Variants in PHACTR2 observed in about 807,000 individuals in gnomAD.
The protein encoded by PHACTR2 is phosphatase and actin regulator 2.
PHACTR2 carries 30 observed loss-of-function variants against 76.0 expected under a neutral mutation model. The observed-to-expected ratio is 0.39, with a 90% CI of 0.30 to 0.54. PHACTR2 has a LOEUF of 0.54. Among genes scored for constraint, PHACTR2 ranks in the 20% least tolerant of loss-of-function variants. PHACTR2 has a pLI of 0.61. For missense variants in PHACTR2, 696 were observed against 781.1 expected (o/e 0.89, Z 1.30); for synonymous variants, 292 against 292.5 (o/e 1.00, Z 0.02).
In PHACTR2 at chr6:143,652,762, C is replaced by T. The variant is rs890476934; in HGVS notation, c.13+44440C>T. Among the ~76,000 whole-genome samples the T allele has an allele frequency of 3.9e-5, 6 of 152,168 alleles. No individual in the cohort carries two copies. Among genetic ancestry groups the T allele is most frequent in the Admixed American group, 3.9e-4 (6 of 15,284 alleles). ...GGCTGAAATAAGGCGGAATGCCCACCTGGAGATAAGTCTTGGCTGTCACAC... is the reference window on the plus strand; with the variant it reads ...GGCTGAAATAAGGCGGAATGCCCACTTGGAGATAAGTCTTGGCTGTCACAC... On this transcript the variant is annotated intron_variant, in intron 1 of 11. Transcript: ENST00000305766. The surrounding 1 kb of genome is among the most constrained non-coding windows in gnomAD (Gnocchi z 4.5).
At chr6:143,726,792 G>A (rs1005028376) in intron 2 of PHACTR2, among the ~76,000 whole-genome samples, 65 of 152,028 alleles carry the variant, frequency 4.3e-4, no homozygotes, top group Middle Eastern at 3.2e-3. Flanking sequence ...TTTCCCTAAT[G>A]GGCTAATGAT....
In PHACTR2 at chr6:143,765,612, C is replaced by T. The variant is rs750218618; in HGVS notation, c.1046C>T (p.Pro349Leu). The change falls in exon 6 of 13, where the codon CCC becomes CTC. Residue 349 changes from proline (P) to leucine (L), a missense_variant. By Grantham distance (98) the Pro-to-Leu change is moderately conservative (BLOSUM62 -3). This residue lies in a region of PHACTR2 where 460 missense variants were observed against 450.9 expected (regional missense o/e 1.02). Coordinates refer to ENST00000440869, the MANE Select transcript of PHACTR2 (RefSeq NM_001100164.2). This position sits in a 1 kb window ranked among gnomAD's most constrained non-coding sequence, Gnocchi z 4.1. ...PVAPAPSPLA[P>L]PLPLEDQCIT... Reference sequence around the variant, plus strand: ...GCTCCAGCACCTTCTCCTCTGGCCCCCCCTCTCCCTCTTGAGGATCAGTGC... The same window carrying T: ...GCTCCAGCACCTTCTCCTCTGGCCCTCCCTCTCCCTCTTGAGGATCAGTGC... 5 of 1,614,160 alleles carry T rather than the reference C, an allele frequency of 3.1e-6. No homozygotes were observed. In the East Asian group the frequency reaches 8.9e-5, roughly 29 times the overall value.
At chr6:143,771,188 A>G (rs372104953) in intron 6 of PHACTR2, among the ~76,000 whole-genome samples, 732 of 16,224 alleles carry the variant, frequency 0.045, 20 homozygotes, top group East Asian at 0.31. Context: ...ATATATATAT[A>G]TGTGTGTATA....
chr6:143,693,884 T>C (rs1405116653), intron 1 of PHACTR2, among the ~76,000 whole-genome samples: 1 of 152,008 alleles, frequency 6.6e-6, no homozygotes, highest in Non-Finnish European at 1.5e-5. Flanking sequence ...GCCTGGGCAA[T>C]GTGGCGAAAC....
At chr6:143,724,461 T>G (rs1460969255) in intron 2 of PHACTR2, among the ~76,000 whole-genome samples, 1 of 152,120 alleles carries the variant, frequency 6.6e-6, no homozygotes, top group Non-Finnish European at 1.5e-5. Flanking sequence ...TAGAAAACAT[T>G]CACCTTTTCC....
In PHACTR2 at chr6:143,733,674, C is replaced by T. The variant is rs963787945; in HGVS notation, c.215-15311C>T. Among the ~76,000 whole-genome samples the T allele has an allele frequency of 3.3e-5, 5 of 152,146 alleles. No homozygotes were observed. Among genetic ancestry groups the T allele is most frequent in the Non-Finnish European group, 5.9e-5 (4 of 68,034 alleles). On this transcript the variant is annotated intron_variant, in intron 2 of 12. Transcript: ENST00000440869. This position sits in a 1 kb window ranked among gnomAD's most constrained non-coding sequence, Gnocchi z 4.0. The stretch of plus-strand genomic sequence containing the variant: ...TGGGTAGGGTGGGGAGCTATTCTCT[C>T]ATGAATGGATAATGACCTTAAGTAA...
intron 1 of PHACTR2, among the ~76,000 whole-genome samples, chr6:143,615,086 T>A (rs1230551424): frequency 5.3e-5 from 8 of 152,196 alleles, no homozygotes; most frequent in Non-Finnish European, 1.0e-4. Flanking sequence ...GGCATCAAGT[T>A]AGGTATTTTA....
chr6:143,706,361 A>G (rs1245901554), intron 1 of PHACTR2, among the ~76,000 whole-genome samples: 1 of 152,264 alleles, frequency 6.6e-6, no homozygotes, highest in Admixed American at 6.5e-5. Context: ...GGACAGAGCT[A>G]GCAAATACAT....
intron 1 of PHACTR2, among the ~76,000 whole-genome samples, chr6:143,642,168 A>G (rs938730321): frequency 9.2e-5 from 14 of 152,214 alleles, no homozygotes; most frequent in Non-Finnish European, 1.6e-4. Flanking sequence ...TAAAATGCAT[A>G]GGAATTTAAT....
rs1422632661 is a variant in PHACTR2 at position 143,583,403 on chromosome 6, A to C, written c.217+46196A>C. The stretch of plus-strand genomic sequence containing the variant: ...TTTCTCACTTTTATGATTGGTAAAA[A>C]ATTGGTTTATCCTCTCTCAAAGTTT... On this transcript the variant is annotated intron_variant, in intron 1 of 11. Coordinates refer to the PHACTR2 transcript ENST00000367584. This position sits in a 1 kb window ranked among gnomAD's most constrained non-coding sequence, Gnocchi z 4.0. Among the ~76,000 whole-genome samples, 6 of 152,240 alleles carry C rather than the reference A, an allele frequency of 3.9e-5. No individual in the cohort carries two copies. Among genetic ancestry groups the C allele is most frequent in the Non-Finnish European group, 7.3e-5 (5 of 68,038 alleles).
chr6:143,663,536 TTTTC>T lies in PHACTR2; in HGVS notation c.14-48476_14-48473del, dbSNP rs1387118430. ...GTGATTATCTTTCCCTGAATAGATC[TTTTC>T]TTTGTTTTTTTAAATAAATGCGATT... On this transcript the variant is annotated intron_variant, in intron 1 of 11. Transcript: ENST00000305766. This position sits in a 1 kb window ranked among gnomAD's most constrained non-coding sequence, Gnocchi z 4.1. 3.3e-5 allele frequency among the ~76,000 whole-genome samples: 5 copies of T among 152,324 alleles called. No individual in the cohort carries two copies. In the East Asian group the frequency reaches 5.8e-4, roughly 18 times the overall value.
chr6:143,681,107 AG>A (rs1338040389), intron 1 of PHACTR2, among the ~76,000 whole-genome samples: 6 of 152,140 alleles, frequency 3.9e-5, no homozygotes. Context: ...TTCATTTCTC[AG>A]GTATATATTT....
chr6:143,643,411 G>A (rs1434787959), intron 1 of PHACTR2, among the ~76,000 whole-genome samples: 2 of 152,172 alleles, frequency 1.3e-5, no homozygotes, highest in African/African-American at 4.8e-5. Flanking sequence ...TAGTCCAAAA[G>A]TAATTAATAT....
At chr6:143,544,280 A>G (rs1387684833) in intron 1 of PHACTR2, among the ~76,000 whole-genome samples, 1 of 135,856 alleles carries the variant, frequency 7.4e-6, no homozygotes, top group Non-Finnish European at 1.6e-5. Context: ...GCAGGCTCCC[A>G]TATCAAATAA....
intron 1 of PHACTR2, among the ~76,000 whole-genome samples, chr6:143,579,446 C>T (rs1238600478): frequency 6.6e-6 from 1 of 151,976 alleles, no homozygotes; most frequent in African/African-American, 2.4e-5. Flanking sequence ...CAAAACATCC[C>T]CCAAACCAGC....
At chr6:143,687,143 T>A (rs1291728324) in intron 1 of PHACTR2, among the ~76,000 whole-genome samples, 3 of 152,252 alleles carry the variant, frequency 2.0e-5, no homozygotes, top group Non-Finnish European at 4.4e-5. Context: ...CACCTACTTC[T>A]CTTTGGTCCA....
At chr6:143,630,885 C>T (rs910522804) in intron 1 of PHACTR2, among the ~76,000 whole-genome samples, 2 of 152,196 alleles carry the variant, frequency 1.3e-5, no homozygotes, top group Non-Finnish European at 2.9e-5. Flanking sequence ...GTCTTTCTCA[C>T]AAAAAGTCAT....
rs1439954056 is a variant in PHACTR2, at chr6:143,749,050, G to T, written c.280G>T (p.Glu94Ter). The part of the protein sequence containing the change: ...EELIRRGVLK[E>*]LPDQDGDVTV... ...GCTGATAAGAAGGGGAGTGCTTAAGGAATTGCCTGATCAAGGTGAGGAAAT... is the reference window on the plus strand; with the variant it reads ...GCTGATAAGAAGGGGAGTGCTTAAGTAATTGCCTGATCAAGGTGAGGAAAT... Residue 94 changes from glutamate (E) to a stop codon, truncating the protein, a stop_gained, in exon 3 of 13, where the codon GAA becomes TAA. Coordinates refer to ENST00000440869, the MANE Select transcript of PHACTR2 (RefSeq NM_001100164.2). LOFTEE classifies it high-confidence loss of function. 6.4e-7 allele frequency: 1 copy of T among 1,558,966 alleles called. No individual in the cohort carries two copies. The highest frequency in any genetic ancestry group is 1.7e-5 in the Admixed American group (1 of 59,850).
rs1164699601 is a variant in PHACTR2 at position 143,760,496 on chromosome 6, C to A, written c.550C>A (p.Pro184Thr). ...ACCCAAACCTAAACCCAAAAAATCA[C>A]CTGTGCCTCCGAAAGGGGCCACTGC... ...PRPKPKPKKS[P>T]VPPKGATAGA... is the part of the protein sequence containing the mutation. The change falls in exon 5 of 13, where the codon CCT becomes ACT. Residue 184 changes from proline (P) to threonine (T), a missense_variant. Around this residue, in one of 2 missense-constraint regions of PHACTR2, gnomAD observed 460 missense variants for 450.9 expected, o/e 1.02. Transcript: ENST00000440869. This position sits in a 1 kb window ranked among gnomAD's most constrained non-coding sequence, Gnocchi z 6.4. 1 of 1,613,964 alleles carries A rather than the reference C, an allele frequency of 6.2e-7. No homozygotes were observed. Among genetic ancestry groups the A allele is most frequent in the Admixed American group, 1.7e-5 (1 of 60,022 alleles).
Sources: allele counts gnomAD v4.1 joint callset (sites outside exome capture counted in the v4.1 genomes callset), GRCh38; gene constraint gnomAD v4.1.1; regional missense constraint gnomAD v4.1.1; non-coding constraint Gnocchi (gnomAD v3.1); transcripts MANE v1.5; gene names NCBI Gene and HGNC (gene_info 2026-07-23, HGNC 2026-07-21).